The following NADK variants were observed in gnomAD, a reference collection of about 807,000 sequenced individuals.
The protein encoded by NADK is NAD kinase, also known as poly(P)/ATP NAD kinase.
In NADK, 22 loss-of-function variants were observed where a neutral mutation model predicts 49.8. That is an observed-to-expected ratio of 0.44 (90% CI 0.32 to 0.63). The LOEUF (loss-of-function observed/expected upper bound fraction) is 0.63. Ranked by LOEUF, NADK falls within the 30% of genes least tolerant of loss-of-function variation. NADK has a pLI of 0.06. For missense variants in NADK, 438 were observed against 609.4 expected (o/e 0.72, Z 2.96); for synonymous variants, 268 against 253.7 (o/e 1.06, Z -0.54).
chr1:1,777,669 T>A (rs1488818349), intron 1 of NADK, among the ~76,000 whole-genome samples: 1 of 151,750 alleles, frequency 6.6e-6, no homozygotes, highest in East Asian at 2.0e-4. Flanking sequence ...CACCAGGCCT[T>A]CGGAGCTGGG....
At position 1,753,019 on chromosome 1, in the gene NADK, CAGATGG is replaced by C; in HGVS notation, c.1220_1225del (p.Ser407_Ile408del). On this transcript the variant is annotated inframe_deletion, in exon 12 of 12. Transcript: ENST00000341426. ...CCAGTCGCTCACGGGGTCCCGCACACAGATGGAGGGGAGCGGGTAGCATGAGGTAGT... is the reference window on the plus strand; with the variant it reads ...CCAGTCGCTCACGGGGTCCCGCACACAGGGGAGCGGGTAGCATGAGGTAGT... 6.2e-7 allele frequency: 1 copy of C among 1,610,826 alleles called. No individual in the cohort carries two copies. The highest frequency in any genetic ancestry group is 1.1e-5 in the South Asian group (1 of 90,428).
chr1:1,755,627 G>C (rs984460710), intron 6 of NADK, 151 bp from the exon 7 acceptor site: 1 of 655,670 alleles, frequency 1.5e-6, no homozygotes, highest in African/African-American at 1.8e-5. Context: ...AAGCGGAGGG[G>C]GACGTCGCAG....
intron 10 of NADK, 124 bp from the exon 11 acceptor site, chr1:1,753,773 G>T: frequency 1.1e-6 from 1 of 924,184 alleles, no homozygotes; most frequent in African/African-American, 1.6e-5. Context: ...TGCGGACGGT[G>T]CAGTGCACGT....
Position 1,759,337 on chromosome 1 carries a change from G to A in NADK, c.264-2027C>T, listed in dbSNP as rs140512718. On this transcript the variant is annotated intron_variant, in intron 3 of 11. Coordinates refer to ENST00000341426, the MANE Select transcript of NADK (RefSeq NM_023018.5). ...TGGCGTGAAGCTTGCAGGCACACAC[G>A]GCTGTGGGTACTGCACGGAGAGGGC... 715 of 1,427,612 alleles carry A rather than the reference G, an allele frequency of 5.0e-4. 2 individuals are homozygous for A. In the African/African-American group the frequency reaches 6.5e-3, roughly 13 times the overall value. The allele number at this position is 1,427,612 out of a possible 1,614,324, so 88.4% of individuals were successfully genotyped here. A position where few individuals can be genotyped will look rare whatever the true frequency, so the allele number is the denominator to read the frequency against.
At position 1,762,001 on chromosome 1, in the gene NADK, T is replaced by C; in HGVS notation, c.214A>G (p.Thr72Ala). Residue 72 changes from threonine to alanine, a missense_variant, in exon 3 of 12, where the codon ACC becomes GCC. Physicochemically the swap from Thr to Ala is moderately conservative, Grantham distance 58. Coordinates refer to ENST00000341426, the MANE Select transcript of NADK (RefSeq NM_023018.5). ...ACACAGGCCTTTGGTCCAAAAGTGG[T>C]CACCGGGCATGGCCCATGAAGAGAG... Reference protein sequence around the residue: ...TRSLHGPCPVTTFGPKACVLQ... With the variant: ...TRSLHGPCPVATFGPKACVLQ... 6.2e-7 allele frequency: 1 copy of C among 1,614,022 alleles called. No individual in the cohort carries two copies. Among genetic ancestry groups the C allele is most frequent in the Non-Finnish European group, 8.5e-7 (1 of 1,179,992 alleles).
In NADK at chr1:1,754,595, C is replaced by A. The variant is rs746096137; in HGVS notation, c.792G>T (p.Ser264=). The A allele has an allele frequency of 1.2e-6, 2 of 1,612,574 alleles. No homozygotes were observed. Among genetic ancestry groups the A allele is most frequent in the South Asian group, 2.2e-5 (2 of 91,002 alleles). Residue 264 remains serine, a synonymous_variant, in exon 8 of 12, where the codon TCG becomes TCT. Transcript: ENST00000341426. The surrounding 1 kb of genome is among the most constrained non-coding windows in gnomAD (Gnocchi z 4.3). ...CATCCATGTCCAGGCCTGCAGCCTG[C>A]GAGCCGTTCTCACCCAGCCCATTGT... ...AVHNGLGENG[S]QAAGLDMDVG...
intron 1 of NADK, among the ~76,000 whole-genome samples, chr1:1,771,052 AAAAAT>A (rs1419801474): frequency 2.0e-3 from 272 of 133,498 alleles, no homozygotes; most frequent in African/African-American, 6.4e-3. Flanking sequence ...TAAAAAAAAA[AAAAAT>A]ATATATATAT....
rs72634841 is a variant in NADK, at chr1:1,756,657, C to T, written c.394-49G>A. On this transcript the variant is annotated intron_variant, in intron 4 of 11. Coordinates refer to ENST00000341426, the MANE Select transcript of NADK (RefSeq NM_023018.5). ...TCATTCCACCTGCAGACCCCACCCT[C>T]CTGCAGGGAGGTTCCCGACTCACGG... 7.3e-3 allele frequency: 11,841 copies of T among 1,612,414 alleles called. 59 individuals carry two copies. Among genetic ancestry groups the T allele is most frequent in the Non-Finnish European group, 7.8e-3 (9,250 of 1,179,654 alleles).
chr1:1,771,042 TAAAA>T (rs34422935), intron 1 of NADK, among the ~76,000 whole-genome samples: 1,631 of 130,486 alleles, frequency 0.012, 14 homozygotes, highest in Admixed American at 0.018. Flanking sequence ...TTTCATCTTA[TAAAA>T]AAAAAAAAAA....
At position 1,753,434 on chromosome 1, in the gene NADK, A is replaced by C. The variant is rs538961256; in HGVS notation, c.1184+133T>G. The C allele has an allele frequency of 4.7e-5, 33 of 708,036 alleles. No individual in the cohort carries two copies. The African/African-American group carries it at 5.2e-4, about 11-fold the overall frequency. The allele number at this position is 708,036 out of a possible 1,614,324, so 43.9% of individuals were successfully genotyped here. A position where few individuals can be genotyped will look rare whatever the true frequency, so the allele number is the denominator to read the frequency against. On this transcript the variant is annotated intron_variant, in intron 11 of 11. Transcript: ENST00000341426. ...CGGGTGCCCCGACTGTGATGCTGCA[A>C]GACCCAGGGACTCAGGCCCTGTGGT...
intron 2 of NADK, among the ~76,000 whole-genome samples, chr1:1,762,686 G>A (rs1645763395): frequency 6.6e-6 from 1 of 152,212 alleles, no homozygotes; most frequent in African/African-American, 2.4e-5. Flanking sequence ...GAACCCAGGA[G>A]GTGGTGGTTG....
chr1:1,757,304 A>C lies in NADK; in HGVS notation c.270T>G (p.Ile90Met). 6.2e-7 allele frequency: 1 copy of C among 1,613,452 alleles called. No homozygotes were observed. The highest frequency in any genetic ancestry group is 2.2e-5 in the East Asian group (1 of 44,860). ...VLQNPQTIMHIQDPASQRLTW... is the reference protein window; with the variant it reads ...VLQNPQTIMHMQDPASQRLTW... ...TCAGCCGCTGGCTCGCGGGGTCCTG[A>C]ATGTGCCTTTAGGGGAGGAGAAAAG... Residue 90 changes from isoleucine (I) to methionine (M), a missense_variant, in exon 4 of 12, where the codon ATT becomes ATG. Ile to Met is a conservative substitution (Grantham distance 10). Transcript: ENST00000341426.
chr1:1,755,493 A>T lies in NADK; in HGVS notation c.586-17T>A. ...GACGCTGCCCTGTGAGCCGACGGAG[A>T]GGTCACTCAGTGCCCACGCCGTGCA... On this transcript the variant is annotated splice_polypyrimidine_tract_variant and intron_variant, in intron 6 of 11. Transcript: ENST00000341426. 6.3e-7 allele frequency: 1 copy of T among 1,599,548 alleles called. No individual in the cohort carries two copies. The highest frequency in any genetic ancestry group is 8.6e-7 in the Non-Finnish European group (1 of 1,167,516).
intron 7 of NADK, among the ~76,000 whole-genome samples, chr1:1,755,122 ACTTCTGTGC>A (rs1006268006): frequency 6.6e-5 from 10 of 152,166 alleles, no homozygotes; most frequent in African/African-American, 2.4e-4. Flanking sequence ...CCCGGCCGAC[ACTTCTGTGC>A]CTTCTGAGAG....
rs563908935 is a variant in NADK, at chr1:1,753,713, C to T, written c.1102-64G>A. ...TGGGGAGGACGCTTCTAGGCACCCACCCCTGAGTGCTCGCCAGAGGTCGAA... is the reference window on the plus strand; with the variant it reads ...TGGGGAGGACGCTTCTAGGCACCCATCCCTGAGTGCTCGCCAGAGGTCGAA... On this transcript the variant is annotated intron_variant, in intron 10 of 11. Transcript: ENST00000341426. 168 of 1,400,368 alleles carry T rather than the reference C, an allele frequency of 1.2e-4. 3 individuals are homozygous for T. In the South Asian group the frequency reaches 1.9e-3, roughly 16 times the overall value. The allele number at this position is 1,400,368 out of a possible 1,614,324, so 86.7% of individuals were successfully genotyped here.
At chr1:1,779,351 A>G (rs1039448806), upstream of NADK, among the ~76,000 whole-genome samples, 1 of 152,194 alleles carries the variant, frequency 6.6e-6, no homozygotes, top group Admixed American at 6.5e-5. Flanking sequence ...GTGGCTGCTC[A>G]TCAGCGCCTT....
chr1:1,768,909 C>T (rs753072109), intron 1 of NADK, among the ~76,000 whole-genome samples: 23 of 152,322 alleles, frequency 1.5e-4, no homozygotes, highest in Non-Finnish European at 3.1e-4. Context: ...CCAACGGGTT[C>T]TCTGAATACC....
intron 3 of NADK, chr1:1,759,354 G>A (rs2235538): frequency 0.46 from 621,932 of 1,345,642 alleles, 154,043 homozygotes; most frequent in Admixed American, 0.57. Context: ...GGTACTGCAC[G>A]GAGAGGGCAG....
chr1:1,757,952 G>A (rs1373292934), intron 3 of NADK, among the ~76,000 whole-genome samples: 2 of 152,086 alleles, frequency 1.3e-5, no homozygotes, highest in Admixed American at 6.5e-5. Context: ...CTCTGACCCC[G>A]ACCACTGTGC....
Sources: allele counts gnomAD v4.1 joint callset (sites outside exome capture counted in the v4.1 genomes callset), GRCh38; gene constraint gnomAD v4.1.1; non-coding constraint Gnocchi (gnomAD v3.1); transcripts MANE v1.5; gene names NCBI Gene and HGNC (gene_info 2026-07-23, HGNC 2026-07-21).